CAMTA1: variants seen among roughly 807,000 people sequenced by gnomAD.
CAMTA1 encodes the protein calmodulin-binding transcription activator 1.
In CAMTA1, 27 loss-of-function variants were observed where a neutral mutation model predicts 170.9. The observed-to-expected ratio is 0.16, with a 90% CI of 0.12 to 0.22. The LOEUF is 0.22. Among genes scored for constraint, CAMTA1 ranks in the 10% least tolerant of loss-of-function variants. The pLI, the probability that CAMTA1 is intolerant of heterozygous loss-of-function variation, is 1.00. For synonymous variants in CAMTA1, 833 were observed against 891.5 expected (o/e 0.93, Z 1.17); for missense variants, 1,619 against 2,217.2 (o/e 0.73, Z 5.42).
intron 5 of CAMTA1, among the ~76,000 whole-genome samples, chr1:7,274,677 A>G (rs539983203): frequency 6.5e-4 from 99 of 152,338 alleles, no homozygotes; most frequent in Non-Finnish European, 1.3e-3. Context: ...TATAAACTAT[A>G]TACTGTGTCA....
chr1:7,085,527 A>G (rs944348894), intron 3 of CAMTA1, among the ~76,000 whole-genome samples: 1 of 152,248 alleles, frequency 6.6e-6, no homozygotes, highest in Admixed American at 6.5e-5. Context: ...AGCAAGAGAA[A>G]GTCTGAGCAG....
chr1:7,145,155 C>T (rs1354604187), intron 4 of CAMTA1, among the ~76,000 whole-genome samples: 1 of 152,220 alleles, frequency 6.6e-6, no homozygotes, highest in Non-Finnish European at 1.5e-5. Context: ...CATCATGGAT[C>T]TCTTGGAAGT....
intron 11 of CAMTA1, among the ~76,000 whole-genome samples, chr1:7,717,995 A>G (rs1161569739): frequency 1.3e-5 from 2 of 152,226 alleles, no homozygotes; most frequent in Non-Finnish European, 2.9e-5. Context: ...TCAGGAATGT[A>G]GCGGTGACTG....
chr1:7,480,699 G>A (rs2093516226), intron 6 of CAMTA1, among the ~76,000 whole-genome samples: 1 of 151,934 alleles, frequency 6.6e-6, no homozygotes, highest in Admixed American at 6.6e-5. Flanking sequence ...AATCCCTCTT[G>A]CTCAACCCCC....
At chr1:7,235,739 G>A (rs528032682) in intron 4 of CAMTA1, among the ~76,000 whole-genome samples, 74 of 152,338 alleles carry the variant, frequency 4.9e-4, no homozygotes, top group African/African-American at 1.7e-3. Context: ...GAGCAATCAC[G>A]GCCGTCTGGT....
chr1:6,803,872 G>T (rs934889882), intron 1 of CAMTA1, among the ~76,000 whole-genome samples: 3 of 152,044 alleles, frequency 2.0e-5, no homozygotes, highest in African/African-American at 7.2e-5. Flanking sequence ...GTATCACCAT[G>T]CCTAGCTGAT....
At chr1:6,799,836 C>T (rs992382918) in intron 1 of CAMTA1, among the ~76,000 whole-genome samples, 53 of 151,972 alleles carry the variant, frequency 3.5e-4, no homozygotes, top group African/African-American at 1.9e-4. Context: ...CTTAGTTGAC[C>T]GCTTGTAACT....
chr1:6,796,507 G>T (rs1642559399), intron 1 of CAMTA1, among the ~76,000 whole-genome samples: 1 of 152,128 alleles, frequency 6.6e-6, no homozygotes, highest in Non-Finnish European at 1.5e-5. Context: ...GAGAGGTTAG[G>T]CCTAGAGATT....
intron 6 of CAMTA1, among the ~76,000 whole-genome samples, chr1:7,548,290 C>A (rs1299420583): frequency 6.6e-6 from 1 of 152,180 alleles, no homozygotes; most frequent in Non-Finnish European, 1.5e-5. Context: ...TCCCCCAACT[C>A]CTTGCCCTCT....
chr1:7,077,935 G>A (rs1188002133), intron 3 of CAMTA1, among the ~76,000 whole-genome samples: 1 of 152,128 alleles, frequency 6.6e-6, no homozygotes, highest in Non-Finnish European at 1.5e-5. Flanking sequence ...AGAGGTGTTA[G>A]TGGAGCTTTT....
At chr1:7,506,776 ACT>A (rs1468216267) in intron 6 of CAMTA1, among the ~76,000 whole-genome samples, 2 of 151,730 alleles carry the variant, frequency 1.3e-5, no homozygotes, top group Admixed American at 6.6e-5. Context: ...CTCAATGCAA[ACT>A]CACATGCTTA....
At chr1:7,160,901 G>T (rs1369810112) in intron 4 of CAMTA1, among the ~76,000 whole-genome samples, 1 of 152,048 alleles carries the variant, frequency 6.6e-6, no homozygotes, top group East Asian at 1.9e-4. Context: ...TCAGTCAGTT[G>T]GTCCAGTCAT....
rs1664567151 is a variant in CAMTA1 at position 7,239,914 on chromosome 1, T to A, written c.303-9577T>A. ...GGAGGAGGGGGCCACCAGACTCACT[T>A]TTATTAAAAAAAAGCCACTCCTGTA... is the stretch of plus-strand genomic sequence containing the variant. On this transcript the variant is annotated intron_variant, in intron 4 of 22. Coordinates refer to ENST00000303635, the MANE Select transcript of CAMTA1 (RefSeq NM_015215.4). Among the ~76,000 whole-genome samples the A allele has an allele frequency of 2.0e-5, 3 of 151,836 alleles. No individual in the cohort carries two copies. In the South Asian group the frequency reaches 6.3e-4, roughly 32 times the overall value.
At chr1:7,452,806 T>C (rs912756445) in intron 5 of CAMTA1, among the ~76,000 whole-genome samples, 5 of 152,234 alleles carry the variant, frequency 3.3e-5, no homozygotes, top group African/African-American at 1.2e-4. Context: ...TTGTGTGAAG[T>C]GTGCCACTGT....
Position 6,929,346 on chromosome 1 carries a change from A to AT in CAMTA1, c.234+104149dup, listed in dbSNP as rs5772260. Among the ~76,000 whole-genome samples the AT allele has an allele frequency of 1.7e-3, 252 of 146,028 alleles. 1 individual carries two copies. The highest frequency in any genetic ancestry group is 5.0e-3 in the South Asian group (23 of 4,560). On this transcript the variant is annotated intron_variant, in intron 3 of 22. Coordinates refer to ENST00000303635, the MANE Select transcript of CAMTA1 (RefSeq NM_015215.4). ...AGGCGCATACCACCATGCCCAGCTA[A>AT]TTTTTTTTTTTTTGTTTGTTTGTTT...
At chr1:7,451,781 G>A (rs996395212) in intron 5 of CAMTA1, among the ~76,000 whole-genome samples, 8 of 152,156 alleles carry the variant, frequency 5.3e-5, no homozygotes, top group African/African-American at 1.9e-4. Flanking sequence ...CCAACCAGAA[G>A]GGCTATTGGC....
chr1:7,650,482 C>T (rs939520976), intron 7 of CAMTA1, among the ~76,000 whole-genome samples: 10 of 152,146 alleles, frequency 6.6e-5, no homozygotes, highest in East Asian at 3.9e-4. Flanking sequence ...AGAAAGAATA[C>T]GGGAAGGTCA....
At chr1:7,655,456 TAC>T (rs2095890109) in intron 7 of CAMTA1, among the ~76,000 whole-genome samples, 1 of 135,432 alleles carries the variant, frequency 7.4e-6, no homozygotes, top group Non-Finnish European at 1.6e-5. Flanking sequence ...CACATACCTA[TAC>T]ACAAACACAC....
At chr1:7,496,870 G>A (rs1008848392) in intron 6 of CAMTA1, among the ~76,000 whole-genome samples, 6 of 151,732 alleles carry the variant, frequency 4.0e-5, no homozygotes, top group African/African-American at 1.2e-4. Context: ...GTCACTGCAC[G>A]GTCAGCAAGC....
Sources: allele counts gnomAD v4.1 joint callset (sites outside exome capture counted in the v4.1 genomes callset), GRCh38; gene constraint gnomAD v4.1.1; transcripts MANE v1.5; gene names NCBI Gene and HGNC (gene_info 2026-07-23, HGNC 2026-07-21).